Variants in NR6A1 observed in about 807,000 individuals in gnomAD.
NR6A1 encodes the protein retinoic acid receptor-related testis-associated receptor.
In NR6A1, 7 loss-of-function variants were observed where a neutral mutation model predicts 59.1. That is an observed-to-expected ratio of 0.12 (90% CI 0.07 to 0.22). NR6A1 has a LOEUF of 0.22. NR6A1 is among the 10% of genes least tolerant of loss of function. The pLI, the probability that NR6A1 is intolerant of heterozygous loss-of-function variation, is 1.00. For synonymous variants in NR6A1, 243 were observed against 236.1 expected, an observed-to-expected ratio of 1.03 and a Z score of -0.27; for missense variants, 468 against 611.6, an observed-to-expected ratio of 0.77 and a Z score of 2.48.
At chr9:124,686,094 C>T (rs565336317) in intron 2 of NR6A1, among the ~76,000 whole-genome samples, 1 of 152,276 alleles carries the variant, frequency 6.6e-6, no homozygotes, top group Non-Finnish European at 1.5e-5. Flanking sequence ...CAATAACTTA[C>T]AAAGCCTTAA....
At chr9:124,540,231 C>T (rs1393155030) in intron 4 of NR6A1, 44 bp from the exon 5 acceptor site, 4 of 1,578,026 alleles carry the variant, frequency 2.5e-6, no homozygotes, top group Non-Finnish European at 3.4e-6. Context: ...GCTCAGGACA[C>T]TTGCTCTTTC....
intron 2 of NR6A1, among the ~76,000 whole-genome samples, chr9:124,649,825 T>C (rs1837046616): frequency 6.6e-6 from 1 of 151,970 alleles, no homozygotes; most frequent in African/African-American, 2.4e-5. Flanking sequence ...GACACACAAA[T>C]GGCTAACAGA....
chr9:124,611,774 AGAGAGAGAAT>A (rs1554733164), intron 2 of NR6A1, among the ~76,000 whole-genome samples: 36 of 105,724 alleles, frequency 3.4e-4, no homozygotes, highest in Admixed American at 1.1e-4. Flanking sequence ...AGAGAGAGAG[AGAGAGAGAAT>A]GAGAGAGAAT....
chr9:124,608,087 G>T (rs1019011967), intron 2 of NR6A1, among the ~76,000 whole-genome samples: 1 of 151,834 alleles, frequency 6.6e-6, no homozygotes, highest in African/African-American at 2.4e-5. Context: ...AAATAATTTC[G>T]TGCTTAGGAG....
chr9:124,647,788 CAAT>C (rs1461165758), intron 2 of NR6A1, among the ~76,000 whole-genome samples: 2 of 145,056 alleles, frequency 1.4e-5, no homozygotes, highest in African/African-American at 5.1e-5. Context: ...CTTAACAGAA[CAAT>C]AATGAGTAGC....
chr9:124,728,501 G>A (rs1839790559), intron 2 of NR6A1, among the ~76,000 whole-genome samples: 1 of 151,988 alleles, frequency 6.6e-6, no homozygotes, highest in Non-Finnish European at 1.5e-5. Context: ...TGGGCGCAGT[G>A]GCAGGCGCCT....
intron 2 of NR6A1, among the ~76,000 whole-genome samples, chr9:124,574,312 T>C (rs1834529658): frequency 1.3e-5 from 2 of 152,196 alleles, no homozygotes; most frequent in South Asian, 4.1e-4. Context: ...TCACACTTGC[T>C]AGATACCACT....
chr9:124,752,472 G>T (rs555331274), intron 1 of NR6A1, among the ~76,000 whole-genome samples: 1 of 151,914 alleles, frequency 6.6e-6, no homozygotes, highest in African/African-American at 2.4e-5. Context: ...CAATAAAATG[G>T]TAATTAAACA....
At chr9:124,566,344 A>G (rs745661845) in intron 2 of NR6A1, among the ~76,000 whole-genome samples, 2 of 152,246 alleles carry the variant, frequency 1.3e-5, no homozygotes, top group Non-Finnish European at 2.9e-5. Flanking sequence ...GTAAGTCATT[A>G]AGCTGTACAT....
intron 2 of NR6A1, among the ~76,000 whole-genome samples, chr9:124,566,837 G>T (rs1205848369): frequency 6.6e-6 from 1 of 152,174 alleles, no homozygotes; most frequent in Non-Finnish European, 1.5e-5. Flanking sequence ...GGCCGGGCGC[G>T]GTGGCTCACG....
chr9:124,538,893 C>CT (rs1171982597), intron 5 of NR6A1, among the ~76,000 whole-genome samples: 13 of 113,022 alleles, frequency 1.2e-4, no homozygotes, highest in African/African-American at 4.6e-4. Context: ...GCTAACCACT[C>CT]TGTCAACTAA....
chr9:124,662,579 A>G (rs1837476224), intron 2 of NR6A1, among the ~76,000 whole-genome samples: 1 of 152,212 alleles, frequency 6.6e-6, no homozygotes, highest in Non-Finnish European at 1.5e-5. Flanking sequence ...AATACTCACA[A>G]TGTGACTCCT....
At chr9:124,544,900 A>C (rs530268990) in intron 3 of NR6A1, among the ~76,000 whole-genome samples, 1 of 152,294 alleles carries the variant, frequency 6.6e-6, no homozygotes, top group South Asian at 2.1e-4. Context: ...TCTGACAGCC[A>C]CTGTGGAGGG....
intron 2 of NR6A1, chr9:124,599,032 G>A (rs1191035817): frequency 1.4e-6 from 1 of 739,728 alleles, no homozygotes; most frequent in Admixed American, 1.8e-5. Flanking sequence ...TCCTCATGAG[G>A]AGGCGGGTGG....
At position 124,601,618 on chromosome 9, in the gene NR6A1, A is replaced by G. The variant is rs372333415; in HGVS notation, c.143-47048T>C. Among the ~76,000 whole-genome samples, 7 of 149,898 alleles carry G rather than the reference A, an allele frequency of 4.7e-5. No individual in the cohort carries two copies. In the South Asian group the frequency reaches 6.3e-4, roughly 14 times the overall value. On this transcript the variant is annotated intron_variant, in intron 2 of 9. Coordinates refer to ENST00000487099, the MANE Select transcript of NR6A1 (RefSeq NM_033334.4). ...AAAAAAAGAAAGAAAAAAGAAAAGAAAAGAAAAAAAAAGACTATATATAGA... is the reference window on the plus strand; with the variant it reads ...AAAAAAAGAAAGAAAAAAGAAAAGAGAAGAAAAAAAAAGACTATATATAGA...
rs779342367 is a variant in NR6A1, at chr9:124,522,713, T to G, written c.1435A>C (p.Lys479Gln). The change falls in exon 10 of 10, where the codon AAG becomes CAG. Residue 479 changes from lysine to glutamine, a missense_variant. Physicochemically the swap from Lys to Gln is moderately conservative, Grantham distance 53. Coordinates refer to ENST00000487099, the MANE Select transcript of NR6A1 (RefSeq NM_033334.4). ...AGGGCGCCTGGAACAGGTCATTCCTTGCCCACACTGGTCTTGCAGGAATGC... is the reference window on the plus strand; with the variant it reads ...AGGGCGCCTGGAACAGGTCATTCCTGGCCCACACTGGTCTTGCAGGAATGC... ...VLHSCKTSVG[K>Q]E 1.3e-6 allele frequency: 2 copies of G among 1,578,224 alleles called. No homozygotes were observed. The highest frequency in any genetic ancestry group is 1.9e-4 in the Middle Eastern group (1 of 5,392).
At chr9:124,643,325 G>C (rs964854096) in intron 2 of NR6A1, among the ~76,000 whole-genome samples, 1 of 151,950 alleles carries the variant, frequency 6.6e-6, no homozygotes, top group Non-Finnish European at 1.5e-5. Flanking sequence ...GCCAGGCCAG[G>C]CATGGTGTCT....
chr9:124,765,915 G>A (rs1046178583), intron 1 of NR6A1, among the ~76,000 whole-genome samples: 1 of 152,148 alleles, frequency 6.6e-6, no homozygotes, highest in African/African-American at 2.4e-5. Flanking sequence ...AAACAGGTTA[G>A]ACATCTCACA....
intron 2 of NR6A1, among the ~76,000 whole-genome samples, chr9:124,650,530 A>C (rs1206586017): frequency 6.6e-6 from 1 of 152,254 alleles, no homozygotes; most frequent in African/African-American, 2.4e-5. Context: ...TTGATAGCAC[A>C]GTAGGGCAAC....
Sources: allele counts gnomAD v4.1 joint callset (sites outside exome capture counted in the v4.1 genomes callset), GRCh38; gene constraint gnomAD v4.1.1; transcripts MANE v1.5; gene names NCBI Gene and HGNC (gene_info 2026-07-23, HGNC 2026-07-21).